CREBRF: variants seen among roughly 807,000 people sequenced by gnomAD.
CREBRF encodes the protein UPF0474 protein C5orf41.
A neutral mutation model predicts 66.1 loss-of-function variants in CREBRF; 5 were observed. The ratio of observed to expected loss-of-function variants is 0.08; its 90% confidence interval spans 0.04 to 0.16. CREBRF has a LOEUF of 0.16. Among genes scored for constraint, CREBRF ranks in the 10% least tolerant of loss-of-function variants. The pLI is 1.00. For missense variants in CREBRF, 531 were observed against 744.9 expected, an observed-to-expected ratio of 0.71 and a Z score of 3.34; for synonymous variants, 229 against 264.4, an observed-to-expected ratio of 0.87 and a Z score of 1.30.
At chr5:173,116,009 G>T (rs1203519660) in intron 7 of CREBRF, among the ~76,000 whole-genome samples, 5 of 152,102 alleles carry the variant, frequency 3.3e-5, no homozygotes, top group African/African-American at 7.2e-5. Context: ...ACAAATCACT[G>T]GTTTTTACAC....
intron 8 of CREBRF, among the ~76,000 whole-genome samples, chr5:173,127,778 G>T (rs576475951): frequency 2.0e-4 from 30 of 152,168 alleles, no homozygotes; most frequent in African/African-American, 6.5e-4. Context: ...TTTCTTAAAG[G>T]TAATTTCTCT....
At chr5:173,095,646 T>C (rs1018330333) in intron 4 of CREBRF, among the ~76,000 whole-genome samples, 32 of 152,178 alleles carry the variant, frequency 2.1e-4, no homozygotes, top group African/African-American at 7.7e-4. Context: ...TTGCATTGAA[T>C]TTGTAGTTCA....
At position 173,107,026 on chromosome 5, in the gene CREBRF, A is replaced by G. The variant is rs1758766459; in HGVS notation, c.1223-1598A>G. On this transcript the variant is annotated intron_variant, in intron 4 of 8. Coordinates refer to ENST00000296953, the MANE Select transcript of CREBRF (RefSeq NM_153607.3). ...TGGCCTCCCAAAGTCCTGGGATTAC[A>G]GGCATGAGCCACCGCACCCGGCCCC... is the stretch of plus-strand genomic sequence containing the variant. Among the ~76,000 whole-genome samples the G allele has an allele frequency of 2.6e-5, 4 of 152,186 alleles. No homozygotes were observed. In the South Asian group the frequency reaches 8.3e-4, roughly 31 times the overall value.
intron 1 of CREBRF, among the ~76,000 whole-genome samples, chr5:173,058,555 C>T (rs1260794830): frequency 6.6e-6 from 1 of 151,774 alleles, no homozygotes; most frequent in East Asian, 1.9e-4. Context: ...CAGATCTCGA[C>T]TCACTGCAAG....
intron 1 of CREBRF, among the ~76,000 whole-genome samples, chr5:173,066,645 T>A (rs1757443733): frequency 6.6e-6 from 1 of 152,158 alleles, no homozygotes; most frequent in African/African-American, 2.4e-5. Flanking sequence ...TCTCCTGCAC[T>A]CGCCCTTGGC....
At chr5:173,109,443 T>A (rs927013704) in intron 5 of CREBRF, 1 of 152,196 alleles carries the variant, frequency 6.6e-6, no homozygotes, top group African/African-American at 2.4e-5. Context: ...GCTACTGCAC[T>A]CCATCCTGGG....
intron 1 of CREBRF, among the ~76,000 whole-genome samples, chr5:173,073,025 T>C (rs1757643080): frequency 6.6e-6 from 1 of 152,178 alleles, no homozygotes; most frequent in African/African-American, 2.4e-5. Context: ...AATAGGAATG[T>C]TTGGATGGGG....
intron 7 of CREBRF, among the ~76,000 whole-genome samples, chr5:173,113,489 G>A (rs548743159): frequency 6.6e-6 from 1 of 151,898 alleles, no homozygotes; most frequent in South Asian, 2.1e-4. Flanking sequence ...TGTATTTTTA[G>A]TAGAGACAGT....
chr5:173,093,888 CTT>C (rs1457221227), intron 4 of CREBRF, among the ~76,000 whole-genome samples: 1 of 152,204 alleles, frequency 6.6e-6, no homozygotes, highest in Non-Finnish European at 1.5e-5. Flanking sequence ...ATAACTGAAA[CTT>C]TGTACCTTTT....
At chr5:173,081,939 C>T (rs1226592154) in intron 2 of CREBRF, among the ~76,000 whole-genome samples, 1 of 151,518 alleles carries the variant, frequency 6.6e-6, no homozygotes, top group African/African-American at 2.4e-5. Context: ...CCTACCGCCA[C>T]CCCAACCTCT....
intron 8 of CREBRF, chr5:173,123,981 A>G (rs138855572): frequency 1.3e-5 from 2 of 152,168 alleles, no homozygotes; most frequent in African/African-American, 4.8e-5. Context: ...TTAATTTTTT[A>G]TGTATTCTTT....
intron 1 of CREBRF, among the ~76,000 whole-genome samples, chr5:173,069,066 C>T (rs564928288): frequency 2.6e-5 from 4 of 151,788 alleles, no homozygotes; most frequent in South Asian, 2.1e-4. Context: ...AGGGAGACTC[C>T]GTCTCAAAAA....
rs1376375927 is a variant in CREBRF at position 173,137,374 on chromosome 5, C to A, written c.*3629C>A. Reference sequence around the variant, plus strand: ...GTTATTTTATATTTGTATGAAAGACCAGTTTTGGATGGTCTTTGAATATAG... The same window carrying A: ...GTTATTTTATATTTGTATGAAAGACAAGTTTTGGATGGTCTTTGAATATAG... On this transcript the variant is annotated 3_prime_UTR_variant, in exon 9 of 9. Transcript: ENST00000296953. The A allele has an allele frequency of 6.6e-6, 1 of 151,814 alleles. No individual in the cohort carries two copies. Among genetic ancestry groups the A allele is most frequent in the Non-Finnish European group, 1.5e-5 (1 of 67,882 alleles). The allele number at this position is 151,814 out of a possible 1,614,324, so 9.4% of individuals were successfully genotyped here. A position where few individuals can be genotyped will look rare whatever the true frequency, so the allele number is the denominator to read the frequency against.
In CREBRF at chr5:173,115,775, T is replaced by A. The variant is rs1306880499; in HGVS notation, c.1681+3396T>A. 3.6e-4 allele frequency among the ~76,000 whole-genome samples: 54 copies of A among 151,960 alleles called. 1 individual carries two copies. The highest frequency in any genetic ancestry group is 3.5e-3 in the Admixed American group (54 of 15,258). On this transcript the variant is annotated intron_variant, in intron 7 of 8. Transcript: ENST00000296953. ...ACCCGCCACCACGCCCGGCTAATTT[T>A]ATTTTTTTGTATTTTTAGTAGAGAT...
chr5:173,069,785 A>G (rs1020592777), intron 1 of CREBRF, among the ~76,000 whole-genome samples: 10 of 152,100 alleles, frequency 6.6e-5, no homozygotes, highest in African/African-American at 2.2e-4. Context: ...TGTACTGGCT[A>G]TTATGTAGTT....
At chr5:173,133,540 C>T (rs1759521171) in intron 8 of CREBRF, 90 bp from the exon 9 acceptor site, 1 of 654,216 alleles carries the variant, frequency 1.5e-6, no homozygotes, top group Non-Finnish European at 2.7e-6. Context: ...CTGAGGGCCA[C>T]ACCTGAACCT....
At chr5:173,107,040 G>A (rs1313689244) in intron 4 of CREBRF, among the ~76,000 whole-genome samples, 8 of 152,070 alleles carry the variant, frequency 5.3e-5, no homozygotes, top group South Asian at 2.1e-4. Context: ...ATGAGCCACC[G>A]CACCCGGCCC....
chr5:173,061,465 C>G (rs1757271650), intron 1 of CREBRF, among the ~76,000 whole-genome samples: 1 of 152,144 alleles, frequency 6.6e-6, no homozygotes, highest in Admixed American at 6.5e-5. Flanking sequence ...CTGTTTAAAG[C>G]AAATATTGGT....
intron 7 of CREBRF, among the ~76,000 whole-genome samples, chr5:173,118,728 AC>A (rs1759066674): frequency 6.7e-6 from 1 of 149,242 alleles, no homozygotes; most frequent in African/African-American, 2.5e-5. Flanking sequence ...TGGATACAAA[AC>A]TTTTTTTTTT....
Sources: gnomAD v4.1 joint callset for allele counts (sites outside exome capture counted in the v4.1 genomes callset) on GRCh38, gnomAD v4.1.1 for gene constraint, MANE v1.5 for transcripts, NCBI Gene and HGNC (gene_info 2026-07-23, HGNC 2026-07-21) for gene names.